The following HAL variants were observed in gnomAD, a reference collection of about 807,000 sequenced individuals.
HAL encodes histidase.
HAL carries 85 observed loss-of-function variants against 81.1 expected under a neutral mutation model. The ratio of observed to expected loss-of-function variants is 1.05; its 90% CI spans 0.88 to 1.25. The LOEUF is 1.25. Among genes scored for constraint, HAL ranks in the 50% most tolerant of loss-of-function variants. The pLI is 0.00. For missense variants in HAL, 798 were observed against 836.6 expected (o/e 0.95, Z 0.57); for synonymous variants, 301 against 309.2 (o/e 0.97, Z 0.28).
intron 8 of HAL, 67 bp downstream of exon 8, chr12:95,993,384 C>A: frequency 1.0e-6 from 1 of 989,754 alleles, no homozygotes; most frequent in Non-Finnish European, 1.6e-6. Flanking sequence ...CTGGATAACT[C>A]ACACTGTGCT....
chr12:95,983,761 A>C (rs1421238119), intron 15 of HAL, 150 bp downstream of exon 15: 1 of 668,556 alleles, frequency 1.5e-6, no homozygotes, highest in East Asian at 2.7e-5. Context: ...GGAGAAAGTC[A>C]GTTAACCTCT....
rs753916218 is a variant in HAL, at chr12:95,986,167, TTGA to T, written c.1052-10_1052-8del. 1 of 1,511,744 alleles carries T rather than the reference TTGA, an allele frequency of 6.6e-7. No homozygotes were observed. Among genetic ancestry groups the T allele is most frequent in the South Asian group, 1.1e-5 (1 of 89,120 alleles). The allele number at this position is 1,511,744 out of a possible 1,614,324, so 93.6% of individuals were successfully genotyped here. A position where few individuals can be genotyped will look rare whatever the true frequency, so the allele number is the denominator to read the frequency against. Reference sequence around the variant, plus strand: ...GGTCGAAGAGCATGAATGTCTAGAATTGATGAAGGAGAAAAAGTCTGAATAATT... The same window carrying T: ...GGTCGAAGAGCATGAATGTCTAGAATTGAAGGAGAAAAAGTCTGAATAATT... On this transcript the variant is annotated splice_polypyrimidine_tract_variant and splice_region_variant and intron_variant, in intron 12 of 20. Coordinates refer to ENST00000261208, the MANE Select transcript of HAL (RefSeq NM_002108.4).
At chr12:95,991,655 A>C (rs1403005346) in intron 9 of HAL, among the ~76,000 whole-genome samples, 1 of 152,248 alleles carries the variant, frequency 6.6e-6, no homozygotes, top group Non-Finnish European at 1.5e-5. Context: ...TCAGTCGGGT[A>C]TGGCAGTGCC....
rs71307533 is a variant in HAL at position 95,973,823 on chromosome 12, TAAA to T, written c.*406_*408del. The T allele has an allele frequency of 2.0e-4, 30 of 150,358 alleles. No individual in the cohort carries two copies. Among genetic ancestry groups the T allele is most frequent in the South Asian group, 1.6e-3 (9 of 5,472 alleles). The allele number at this position is 150,358 out of a possible 1,614,324, so 9.3% of individuals were successfully genotyped here. A position where few individuals can be genotyped will look rare whatever the true frequency, so the allele number is the denominator to read the frequency against. ...GGTGGAGAGCTTGTTGAAGCAAATT[TAAA>T]AAAAAAAAAAAAGGTTAACAAAAGT... On this transcript the variant is annotated 3_prime_UTR_variant, in exon 21 of 21. Coordinates refer to ENST00000261208, the MANE Select transcript of HAL (RefSeq NM_002108.4).
At chr12:95,977,777 C>G (rs1054479006) in intron 18 of HAL, among the ~76,000 whole-genome samples, 167 bp downstream of exon 18, 10 of 152,112 alleles carry the variant, frequency 6.6e-5, no homozygotes, top group African/African-American at 2.4e-4. Context: ...TTGCTCCGCT[C>G]TCCTCCTGGA....
At chr12:95,983,865 C>T (rs770733246) in intron 15 of HAL, 46 bp downstream of exon 15, 7 of 971,132 alleles carry the variant, frequency 7.2e-6, no homozygotes, top group Non-Finnish European at 1.0e-5. Flanking sequence ...CTAAAATTAC[C>T]AGCTGCAATT....
intron 2 of HAL, 127 bp from the exon 3 acceptor site, chr12:95,995,120 G>C (rs1403899600): frequency 5.2e-6 from 4 of 769,476 alleles, no homozygotes; most frequent in South Asian, 1.4e-5. Context: ...AACTGCTTCA[G>C]ATGGTTTCAT....
chr12:95,994,215 A>G, intron 4 of HAL, 51 bp from the exon 5 acceptor site: 1 of 1,261,478 alleles, frequency 7.9e-7, no homozygotes, highest in Non-Finnish European at 1.2e-6. Context: ...GATTATTCTA[A>G]CCAGAGTAGG....
At chr12:95,985,797 A>G (rs1949877422) in intron 14 of HAL, 111 bp downstream of exon 14, 5 of 732,352 alleles carry the variant, frequency 6.8e-6, no homozygotes, top group East Asian at 2.7e-5. Context: ...ATAGTTGACC[A>G]TTACATGTTT....
Position 95,974,237 on chromosome 12 carries a change from G to C in HAL, c.1969C>G (p.Leu657Val). ...KSTKIPESED[L>V] Reference sequence around the variant, plus strand: ...CTACTTCATGACAAAGCCCATTAAAGGTCCTCAGACTCCGGGATTTTGGTG... The same window carrying C: ...CTACTTCATGACAAAGCCCATTAAACGTCCTCAGACTCCGGGATTTTGGTG... Residue 657 changes from leucine (L) to valine (V), a missense_variant, in exon 21 of 21, where the codon CTT becomes GTT. Leu to Val is a conservative substitution (Grantham distance 32, BLOSUM62 1). Transcript: ENST00000261208. 6.2e-7 allele frequency: 1 copy of C among 1,613,952 alleles called. No individual in the cohort carries two copies. Among genetic ancestry groups the C allele is most frequent in the Non-Finnish European group, 8.5e-7 (1 of 1,179,822 alleles).
At chr12:95,979,134 T>C (rs1281155081) in intron 17 of HAL, among the ~76,000 whole-genome samples, 2 of 152,192 alleles carry the variant, frequency 1.3e-5, no homozygotes, top group Non-Finnish European at 2.9e-5. Context: ...ACAACCTCAA[T>C]AGGCAGCTTG....
chr12:95,979,809 A>G (rs2080769378), intron 17 of HAL, among the ~76,000 whole-genome samples: 1 of 152,232 alleles, frequency 6.6e-6, no homozygotes, highest in Admixed American at 6.5e-5. Flanking sequence ...CAGGGTTTGA[A>G]TTCTGCTTTA....
intron 17 of HAL, 55 bp from the exon 18 acceptor site, chr12:95,978,133 A>G: frequency 6.8e-7 from 1 of 1,479,104 alleles, no homozygotes; most frequent in Non-Finnish European, 9.4e-7. Context: ...AGCTGTCTAA[A>G]GGACCCGTGG....
At position 95,991,034 on chromosome 12, in the gene HAL, C is replaced by T. The variant is rs1015175639; in HGVS notation, c.716-502G>A. 3.9e-5 allele frequency among the ~76,000 whole-genome samples: 6 copies of T among 152,248 alleles called. No individual in the cohort carries two copies. The East Asian group carries it at 5.8e-4, about 15-fold the overall frequency. On this transcript the variant is annotated intron_variant, in intron 9 of 20. Transcript: ENST00000261208. Reference sequence around the variant, plus strand: ...CTGAGATGGGAGAATCACTTGAACCCGTGAGGTGGAGGTTGCAGTGAGCCG... The same window carrying T: ...CTGAGATGGGAGAATCACTTGAACCTGTGAGGTGGAGGTTGCAGTGAGCCG...
At chr12:95,977,460 C>G (rs1353873583) in intron 18 of HAL, among the ~76,000 whole-genome samples, 2 of 151,406 alleles carry the variant, frequency 1.3e-5, no homozygotes, top group African/African-American at 4.9e-5. Flanking sequence ...CAAGGCAACA[C>G]AGCAAGACCC....
intron 15 of HAL, among the ~76,000 whole-genome samples, chr12:95,981,519 C>T (rs915782314): frequency 1.9e-4 from 29 of 152,142 alleles, no homozygotes; most frequent in African/African-American, 6.8e-4. Flanking sequence ...AGTGCAGGGG[C>T]GCCATCTCGG....
intron 9 of HAL, 42 bp downstream of exon 9, chr12:95,992,638 C>T (rs765524829): frequency 3.2e-6 from 5 of 1,569,734 alleles, no homozygotes; most frequent in African/African-American, 1.4e-5. Context: ...TGGTACATGT[C>T]CAGCCTCCAC....
At chr12:95,994,764 T>C (rs1156324458) in intron 4 of HAL, 34 bp downstream of exon 4, 2 of 1,607,564 alleles carry the variant, frequency 1.2e-6, no homozygotes, top group Admixed American at 1.7e-5. Context: ...GGGCCTTAAT[T>C]TTCTGAAGAA....
chr12:95,980,693 T>A lies in HAL; in HGVS notation c.1382A>T (p.His461Leu), dbSNP rs148382360. The A allele has an allele frequency of 6.2e-7, 1 of 1,614,112 alleles. No individual in the cohort carries two copies. The highest frequency in any genetic ancestry group is 8.5e-7 in the Non-Finnish European group (1 of 1,179,934). Residue 461 changes from histidine to leucine, a missense_variant, in exon 17 of 21, where the codon CAT (histidine) becomes CTT (leucine). By Grantham distance (99) the His-to-Leu change is moderately conservative. Coordinates refer to ENST00000261208, the MANE Select transcript of HAL (RefSeq NM_002108.4). ...TCTCTCACTGATTGCAGCAAGTTCA[T>A]GGATGCCAATGGCCAAGTAGTCTAG... ...KALDYLAIGI[H>L]ELAAISERRI...
Sources: gnomAD v4.1 joint callset for allele counts (sites outside exome capture counted in the v4.1 genomes callset) on GRCh38, gnomAD v4.1.1 for gene constraint, MANE v1.5 for transcripts, NCBI Gene and HGNC (gene_info 2026-07-23, HGNC 2026-07-21) for gene names.